Variants in KCNN2 observed in about 807,000 individuals in gnomAD.
KCNN2 encodes potassium calcium-activated channel subfamily N member 2, also known as small conductance calcium-activated potassium channel protein 2.
KCNN2 carries 24 observed loss-of-function variants against 55.5 expected under a neutral mutation model. The ratio of observed to expected loss-of-function variants is 0.43; its 90% CI spans 0.31 to 0.61. The LOEUF (loss-of-function observed/expected upper bound fraction) is 0.61, where lower values mean the gene tolerates loss of function less well. Among genes scored for constraint, KCNN2 ranks in the 20% least tolerant of loss-of-function variants. The pLI, the probability that KCNN2 is intolerant of heterozygous loss-of-function variation, is 0.08. For missense variants in KCNN2, 754 were observed against 853.6 expected, an observed-to-expected ratio of 0.88 and a Z score of 1.45; for synonymous variants, 431 against 336.1, an observed-to-expected ratio of 1.28 and a Z score of -3.09.
intron 2 of KCNN2, among the ~76,000 whole-genome samples, chr5:114,399,396 A>T (rs936479223): frequency 1.3e-5 from 2 of 152,170 alleles, no homozygotes; most frequent in Non-Finnish European, 2.9e-5. Flanking sequence ...GTGATGAATC[A>T]TGTTTAATGA....
intron 2 of KCNN2, among the ~76,000 whole-genome samples, chr5:114,291,662 T>C (rs1755891658): frequency 6.6e-6 from 1 of 152,232 alleles, no homozygotes; most frequent in South Asian, 2.1e-4. Context: ...CATGTGCATG[T>C]GTCTTTATAG....
At position 114,373,657 on chromosome 5, in the gene KCNN2, T is replaced by TATATATAA. The variant is rs1175218618; in HGVS notation, c.1218+9657_1218+9658insTATATAAA. Among the ~76,000 whole-genome samples, 176 of 117,632 alleles carry TATATATAA rather than the reference T, an allele frequency of 1.5e-3. 16 individuals carry two copies. Among genetic ancestry groups the TATATATAA allele is most frequent in the African/African-American group, 4.9e-3 (165 of 33,848 alleles). The allele number at this position is 117,632 out of a possible 152,430, so 77.2% of individuals were successfully genotyped here. Reference sequence around the variant, plus strand: ...TGAAGATTTTATATATATATATATATAAAATTACTTGGAACACTGCCTGGC... The same window carrying TATATATAA: ...TGAAGATTTTATATATATATATATATATATATAAAAAATTACTTGGAACACTGCCTGGC... On this transcript the variant is annotated intron_variant, in intron 2 of 7. Coordinates refer to ENST00000673685, the MANE Select transcript of KCNN2 (RefSeq NM_021614.4).
chr5:114,405,032 C>T (rs755225792), intron 3 of KCNN2, among the ~76,000 whole-genome samples, 176 bp downstream of exon 3: 1 of 152,128 alleles, frequency 6.6e-6, no homozygotes, highest in Non-Finnish European at 1.5e-5. Context: ...TTTCGTAGAG[C>T]AAATGCCTTC....
intron 1 of KCNN2, among the ~76,000 whole-genome samples, chr5:114,106,072 T>C (rs1751476120): frequency 6.6e-6 from 1 of 151,998 alleles, no homozygotes; most frequent in African/African-American, 2.4e-5. Flanking sequence ...ATTTTACTAA[T>C]GAAAAATTTT....
chr5:114,373,996 G>A (rs1391391407), intron 2 of KCNN2, among the ~76,000 whole-genome samples: 1 of 151,940 alleles, frequency 6.6e-6, no homozygotes, highest in East Asian at 1.9e-4. Context: ...ATCTTCCTGT[G>A]AGCAGGTTTG....
chr5:114,062,801 C>G (rs764019134), intron 1 of KCNN2, among the ~76,000 whole-genome samples: 2 of 152,100 alleles, frequency 1.3e-5, no homozygotes, highest in Non-Finnish European at 2.9e-5. Context: ...TGAATATAAA[C>G]AGGTAAGTCC....
chr5:114,239,004 T>G (rs1754565819), intron 2 of KCNN2, among the ~76,000 whole-genome samples: 1 of 152,168 alleles, frequency 6.6e-6, no homozygotes, highest in South Asian at 2.1e-4. Flanking sequence ...GTGGTTTACT[T>G]TCTGAAACAA....
intron 2 of KCNN2, among the ~76,000 whole-genome samples, chr5:114,306,074 T>C (rs534243429): frequency 2.6e-5 from 4 of 152,358 alleles, no homozygotes; most frequent in African/African-American, 9.6e-5. Context: ...GATTGCATTA[T>C]GACAGAGAGA....
At chr5:114,250,051 G>A (rs1231525116) in intron 2 of KCNN2, among the ~76,000 whole-genome samples, 1 of 152,134 alleles carries the variant, frequency 6.6e-6, no homozygotes, top group African/African-American at 2.4e-5. Flanking sequence ...TATAAACAAA[G>A]TTAAGGATGT....
intron 2 of KCNN2, among the ~76,000 whole-genome samples, chr5:114,284,277 C>G (rs887818815): frequency 6.6e-6 from 1 of 152,148 alleles, no homozygotes; most frequent in African/African-American, 2.4e-5. Flanking sequence ...AGGGTTAGTG[C>G]AAATCACCTA....
intron 1 of KCNN2, among the ~76,000 whole-genome samples, chr5:114,154,019 G>C (rs1217645850): frequency 6.6e-6 from 1 of 152,156 alleles, no homozygotes; most frequent in Non-Finnish European, 1.5e-5. Flanking sequence ...CTCCTCCTGT[G>C]TTCTGGCCCC....
intron 3 of KCNN2, among the ~76,000 whole-genome samples, chr5:114,417,756 T>C (rs1199053473): frequency 2.0e-5 from 3 of 152,158 alleles, no homozygotes; most frequent in African/African-American, 7.2e-5. Flanking sequence ...AGGAGATGAG[T>C]TCCCTCTGCA....
chr5:114,072,130 T>TA (rs1318473276), intron 1 of KCNN2, among the ~76,000 whole-genome samples: 1 of 152,042 alleles, frequency 6.6e-6, no homozygotes, highest in African/African-American at 2.4e-5. Flanking sequence ...ACGTCTATAC[T>TA]AAAAATATAA....
At chr5:114,272,702 T>A (rs900043689) in intron 2 of KCNN2, among the ~76,000 whole-genome samples, 2 of 152,152 alleles carry the variant, frequency 1.3e-5, no homozygotes, top group South Asian at 2.1e-4. Flanking sequence ...ATTGTATTGC[T>A]GATATAAAGG....
At chr5:114,138,148 A>C (rs933133420) in intron 1 of KCNN2, among the ~76,000 whole-genome samples, 4 of 152,148 alleles carry the variant, frequency 2.6e-5, no homozygotes, top group Admixed American at 6.6e-5. Context: ...AAACAAAAAA[A>C]CCCACAACAC....
Position 114,056,860 on chromosome 5 carries a change from T to C in KCNN2, c.-271+360T>C, listed in dbSNP as rs547186063. Among the ~76,000 whole-genome samples, 5 of 152,306 alleles carry C rather than the reference T, an allele frequency of 3.3e-5. No homozygotes were observed. The East Asian group carries it at 9.6e-4, about 29-fold the overall frequency. On this transcript the variant is annotated intron_variant, in intron 1 of 10. Transcript: ENST00000512097. Reference sequence around the variant, plus strand: ...GCCATCCCTCTTTGGAACTTCTTTTTCCTGTCTATGAAAATATGAACCAAA... The same window carrying C: ...GCCATCCCTCTTTGGAACTTCTTTTCCCTGTCTATGAAAATATGAACCAAA...
chr5:114,366,092 GAA>G (rs1438485346), intron 2 of KCNN2, among the ~76,000 whole-genome samples: 1 of 152,144 alleles, frequency 6.6e-6, no homozygotes, highest in East Asian at 1.9e-4. Context: ...AAAATTTACA[GAA>G]GTTTATAAAA....
chr5:114,231,221 CCA>C (rs1429565693), intron 2 of KCNN2, among the ~76,000 whole-genome samples: 5 of 54,844 alleles, frequency 9.1e-5, no homozygotes, highest in Non-Finnish European at 1.8e-4. Flanking sequence ...AAATTTTCTC[CCA>C]TGTTGTAGGT....
intron 3 of KCNN2, among the ~76,000 whole-genome samples, chr5:114,442,515 G>A (rs1760255437): frequency 6.6e-6 from 1 of 152,154 alleles, no homozygotes; most frequent in South Asian, 2.1e-4. Context: ...TTTCCTCAGT[G>A]ATATGACAAG....
Sources: allele counts gnomAD v4.1 joint callset (sites outside exome capture counted in the v4.1 genomes callset), GRCh38; gene constraint gnomAD v4.1.1; transcripts MANE v1.5; gene names NCBI Gene and HGNC (gene_info 2026-07-23, HGNC 2026-07-21).